The following SRBD1 variants were observed in gnomAD, a reference collection of about 807,000 sequenced individuals.
SRBD1 encodes S1 RNA-binding domain-containing protein 1.
Under a neutral mutation model 115.3 loss-of-function variants are expected in SRBD1, and 88 were observed. That is an observed-to-expected ratio of 0.76 (90% CI 0.64 to 0.91). The LOEUF is 0.91. Among genes scored for constraint, SRBD1 ranks in the 40% least tolerant of loss-of-function variants. SRBD1 has a pLI of 0.00. For synonymous variants in SRBD1, 509 were observed against 407.7 expected, an observed-to-expected ratio of 1.25 and a Z score of -2.99; for missense variants, 1,385 against 1,177.4, an observed-to-expected ratio of 1.18 and a Z score of -2.58.
At chr2:45,575,123 T>C (rs1158734025) in intron 7 of SRBD1, among the ~76,000 whole-genome samples, 1 of 152,214 alleles carries the variant, frequency 6.6e-6, no homozygotes, top group Non-Finnish European at 1.5e-5. Context: ...ATGGGAAATA[T>C]ATATTAATAG....
chr2:45,539,927 T>C (rs1434152270), intron 14 of SRBD1, among the ~76,000 whole-genome samples: 1 of 152,036 alleles, frequency 6.6e-6, no homozygotes, highest in African/African-American at 2.4e-5. Flanking sequence ...GATTGTAAAA[T>C]GCAAAATTTA....
At chr2:45,560,755 C>G (rs371947299) in intron 10 of SRBD1, among the ~76,000 whole-genome samples, 1 of 151,894 alleles carries the variant, frequency 6.6e-6, no homozygotes, top group African/African-American at 2.4e-5. Flanking sequence ...CATACATTTC[C>G]TCTTTCCTTT....
At chr2:45,533,098 T>C (rs909933939) in intron 14 of SRBD1, among the ~76,000 whole-genome samples, 1 of 152,050 alleles carries the variant, frequency 6.6e-6, no homozygotes, top group Non-Finnish European at 1.5e-5. Flanking sequence ...GTAAGCTGTT[T>C]AATCCCAAAG....
chr2:45,540,332 G>A (rs1455399607), intron 14 of SRBD1, among the ~76,000 whole-genome samples: 3 of 146,558 alleles, frequency 2.0e-5, no homozygotes, highest in African/African-American at 7.6e-5. Context: ...CAGAGAGAGA[G>A]TCCATCTTAA....
intron 16 of SRBD1, among the ~76,000 whole-genome samples, chr2:45,455,499 A>G (rs1217429600): frequency 5.9e-5 from 9 of 151,802 alleles, no homozygotes; most frequent in Admixed American, 2.6e-4. Flanking sequence ...AAAAACATAA[A>G]TGTGCGTAAC....
rs1416246205 is a variant in SRBD1 at position 45,565,917 on chromosome 2, C to T, written c.1306-3161G>A. On this transcript the variant is annotated intron_variant, in intron 9 of 20. Coordinates refer to ENST00000263736, the MANE Select transcript of SRBD1 (RefSeq NM_018079.5). ...CTTGGATTATAGGCGTGAGCCATCG[C>T]GCCTGGCCACAACCCAATTTAAAAT... Among the ~76,000 whole-genome samples, 7 of 152,306 alleles carry T rather than the reference C, an allele frequency of 4.6e-5. No individual in the cohort carries two copies. The South Asian group carries it at 6.2e-4, about 14-fold the overall frequency.
At position 45,579,903 on chromosome 2, in the gene SRBD1, C is replaced by G. The variant is rs142475514; in HGVS notation, c.1044G>C (p.Leu348=). 2.7e-5 allele frequency: 44 copies of G among 1,607,426 alleles called. No homozygotes were observed. The African/African-American group carries it at 5.4e-4, about 20-fold the overall frequency. ...ALLEKPGELS[L]LSYIRPDVKG... is the part of the protein sequence containing the mutation. ...TAACGTCAGGCCTAATGTACGATAGCAGACTGAGCTCCCCTGGTTTCTCAA... is the reference window on the plus strand; with the variant it reads ...TAACGTCAGGCCTAATGTACGATAGGAGACTGAGCTCCCCTGGTTTCTCAA... The change falls in exon 7 of 21, where the codon CTG becomes CTC. Residue 348 remains leucine (L), a synonymous_variant. Coordinates refer to ENST00000263736, the MANE Select transcript of SRBD1 (RefSeq NM_018079.5).
intron 16 of SRBD1, among the ~76,000 whole-genome samples, chr2:45,420,522 T>C: frequency 6.6e-6 from 1 of 152,356 alleles, no homozygotes; most frequent in South Asian, 2.1e-4. Context: ...TTACATTTTT[T>C]ATTTATTTGT....
chr2:45,419,404 C>G (rs1667931088), intron 17 of SRBD1, among the ~76,000 whole-genome samples: 1 of 152,124 alleles, frequency 6.6e-6, no homozygotes, highest in African/African-American at 2.4e-5. Context: ...ACCTTGAACC[C>G]TCAGAATTTA....
chr2:45,598,525 A>G (rs948547560), intron 4 of SRBD1, among the ~76,000 whole-genome samples: 2 of 152,176 alleles, frequency 1.3e-5, no homozygotes, highest in South Asian at 4.2e-4. Context: ...GAGGCAGGAG[A>G]ATGGCATGAA....
rs1212508760 is a variant in SRBD1 at position 45,587,088 on chromosome 2, T to TA, written c.649-1315_649-1314insT. Among the ~76,000 whole-genome samples, 836 of 97,756 alleles carry TA rather than the reference T, an allele frequency of 8.6e-3. 36 individuals are homozygous for TA. Among genetic ancestry groups the TA allele is most frequent in the African/African-American group, 0.024 (408 of 17,246 alleles). The allele number at this position is 97,756 out of a possible 152,430, so 64.1% of individuals were successfully genotyped here. ...TTATAAATATTAAAATATTTAAAAT[T>TA]TTTTAAATATTTAATTATTTTAAAA... On this transcript the variant is annotated intron_variant, in intron 4 of 20. Transcript: ENST00000263736.
chr2:45,583,280 A>C (rs574142506), intron 5 of SRBD1, among the ~76,000 whole-genome samples: 1 of 152,300 alleles, frequency 6.6e-6, no homozygotes, highest in South Asian at 2.1e-4. Context: ...AAAGAAGAAT[A>C]TGCAGTACTT....
At chr2:45,507,743 A>G (rs1330148936) in intron 14 of SRBD1, among the ~76,000 whole-genome samples, 1 of 151,964 alleles carries the variant, frequency 6.6e-6, no homozygotes, top group East Asian at 1.9e-4. Flanking sequence ...AAACAAAAAC[A>G]AACAAAATAA....
chr2:45,506,008 T>G (rs1282691476), intron 14 of SRBD1, among the ~76,000 whole-genome samples: 1 of 152,186 alleles, frequency 6.6e-6, no homozygotes, highest in Non-Finnish European at 1.5e-5. Context: ...GTTAACACAA[T>G]TGGCATGATA....
chr2:45,588,765 A>C (rs1018614726), intron 4 of SRBD1, among the ~76,000 whole-genome samples: 2 of 152,248 alleles, frequency 1.3e-5, no homozygotes, highest in African/African-American at 4.8e-5. Flanking sequence ...TACAGTTTGT[A>C]GAGGTAGAAA....
At chr2:45,556,430 C>T (rs911278929) in intron 10 of SRBD1, among the ~76,000 whole-genome samples, 3 of 141,912 alleles carry the variant, frequency 2.1e-5, no homozygotes, top group Non-Finnish European at 4.6e-5. Context: ...ATGATCTGTT[C>T]TGCTCTATGC....
At chr2:45,530,464 A>T (rs150930657) in intron 14 of SRBD1, among the ~76,000 whole-genome samples, 2 of 152,186 alleles carry the variant, frequency 1.3e-5, no homozygotes, top group Non-Finnish European at 2.9e-5. Context: ...AAAGTCAATC[A>T]AAGGACTCCA....
intron 19 of SRBD1, among the ~76,000 whole-genome samples, chr2:45,396,878 G>A (rs762091120): frequency 1.3e-5 from 2 of 152,140 alleles, no homozygotes; most frequent in Non-Finnish European, 2.9e-5. Context: ...GAACCATGGT[G>A]ATGCAACACA....
At chr2:45,546,079 A>G in intron 14 of SRBD1, 1 of 798,774 alleles carries the variant, frequency 1.3e-6, no homozygotes, top group Non-Finnish European at 1.5e-6. Context: ...AGGACTTAAT[A>G]TTCTACTATA....
Sources: gnomAD v4.1 joint callset for allele counts (sites outside exome capture counted in the v4.1 genomes callset) on GRCh38, gnomAD v4.1.1 for gene constraint, MANE v1.5 for transcripts, NCBI Gene and HGNC (gene_info 2026-07-23, HGNC 2026-07-21) for gene names.